The following GRM8 variants were observed in gnomAD, a reference collection of about 807,000 sequenced individuals.
GRM8 encodes the protein glutamate metabotropic receptor 8, also known as metabotropic glutamate receptor 8.
A neutral mutation model predicts 87.2 loss-of-function variants in GRM8; 47 were observed. The observed-to-expected ratio is 0.54, with a 90% confidence interval of 0.43 to 0.69. The LOEUF is 0.69. Among genes scored for constraint, GRM8 ranks in the 30% least tolerant of loss-of-function variants. GRM8 has a pLI of 0.00. For missense variants in GRM8, 1,019 were observed against 1,139.2 expected (o/e 0.89, Z 1.52); for synonymous variants, 396 against 404.5 (o/e 0.98, Z 0.25).
intron 6 of GRM8, among the ~76,000 whole-genome samples, chr7:126,773,310 G>C (rs751309425): frequency 1.3e-5 from 2 of 152,104 alleles, no homozygotes; most frequent in Non-Finnish European, 2.9e-5. Context: ...CATTACTGCA[G>C]GGTGGTGAAG....
chr7:126,826,112 G>C (rs1231161027), intron 6 of GRM8, among the ~76,000 whole-genome samples: 4 of 152,004 alleles, frequency 2.6e-5, no homozygotes, highest in Non-Finnish European at 5.9e-5. Context: ...TCTTAATCCA[G>C]TCTATCATTG....
chr7:126,468,108 C>T (rs1804720636), intron 9 of GRM8, among the ~76,000 whole-genome samples: 1 of 151,776 alleles, frequency 6.6e-6, no homozygotes, highest in South Asian at 2.1e-4. Context: ...ACCATGAAGC[C>T]CATAAAGCAC....
chr7:126,635,506 C>G (rs1254537237), intron 7 of GRM8, among the ~76,000 whole-genome samples: 3 of 152,088 alleles, frequency 2.0e-5, no homozygotes, highest in African/African-American at 7.2e-5. Flanking sequence ...AGTTTTAATG[C>G]AGTTATTTGT....
chr7:126,810,365 C>G (rs1793169716), intron 6 of GRM8, among the ~76,000 whole-genome samples: 1 of 152,144 alleles, frequency 6.6e-6, no homozygotes, highest in African/African-American at 2.4e-5. Flanking sequence ...GTAATCTGGA[C>G]AGGTTGAGGT....
chr7:126,615,626 A>G (rs1057443264), intron 7 of GRM8, among the ~76,000 whole-genome samples: 2 of 152,150 alleles, frequency 1.3e-5, no homozygotes, highest in African/African-American at 4.8e-5. Context: ...TATTCAGGAG[A>G]CCCATCTCAC....
chr7:126,532,203 A>G (rs1247293177), intron 9 of GRM8, among the ~76,000 whole-genome samples: 1 of 152,220 alleles, frequency 6.6e-6, no homozygotes, highest in Non-Finnish European at 1.5e-5. Flanking sequence ...TTAACAAGAG[A>G]TTAGTGACAA....
chr7:127,064,315 T>C (rs1820897938), intron 3 of GRM8, among the ~76,000 whole-genome samples: 1 of 152,242 alleles, frequency 6.6e-6, no homozygotes, highest in East Asian at 1.9e-4. Context: ...CTGTGTTGAG[T>C]GTATATATAC....
At chr7:127,189,957 C>A (rs540299768) in intron 2 of GRM8, among the ~76,000 whole-genome samples, 1 of 152,240 alleles carries the variant, frequency 6.6e-6, no homozygotes, top group Admixed American at 6.5e-5. Flanking sequence ...CAAAGAGCCA[C>A]AAAAACCTCA....
intron 6 of GRM8, among the ~76,000 whole-genome samples, chr7:126,775,524 A>G (rs1369152993): frequency 1.9e-5 from 2 of 107,978 alleles, no homozygotes; most frequent in African/African-American, 7.8e-5. Flanking sequence ...ATTTAAACTG[A>G]TTTGGGTTCC....
chr7:127,164,533 C>A (rs1347277195), intron 2 of GRM8, among the ~76,000 whole-genome samples: 1 of 152,178 alleles, frequency 6.6e-6, no homozygotes, highest in African/African-American at 2.4e-5. Context: ...GTATTATAAA[C>A]TATTTCTTAA....
chr7:126,452,035 C>G (rs530021162), intron 9 of GRM8, among the ~76,000 whole-genome samples: 1 of 151,758 alleles, frequency 6.6e-6, no homozygotes, highest in Non-Finnish European at 1.5e-5. Flanking sequence ...CGGCTGTAAA[C>G]TCAGCACTTA....
At chr7:127,250,700 A>G (rs1798820858) in intron 1 of GRM8, 1 of 152,210 alleles carries the variant, frequency 6.6e-6, no homozygotes, top group Non-Finnish European at 1.5e-5. Flanking sequence ...TCTGCCTCCT[A>G]CAGAGATCTT....
Position 127,234,733 on chromosome 7 carries a change from G to A in GRM8, c.510+7962C>T, listed in dbSNP as rs765616656. Among the ~76,000 whole-genome samples, 416 of 152,292 alleles carry A rather than the reference G, an allele frequency of 2.7e-3. 3 individuals carry two copies. The highest frequency in any genetic ancestry group is 3.4e-3 in the Non-Finnish European group (233 of 68,022). On this transcript the variant is annotated intron_variant, in intron 2 of 10. Coordinates refer to ENST00000339582, the MANE Select transcript of GRM8 (RefSeq NM_000845.3). ...AAACTCTGCAGGTGGGCTCAGGAAC[G>A]CGTGTTTCAACAAGCACTCTGGGTG... is the stretch of plus-strand genomic sequence containing the variant.
At chr7:126,592,088 T>C (rs1366723361) in intron 8 of GRM8, among the ~76,000 whole-genome samples, 1 of 149,444 alleles carries the variant, frequency 6.7e-6, no homozygotes, top group Admixed American at 6.7e-5. Flanking sequence ...CAATAATGAA[T>C]AAACACATAA....
intron 2 of GRM8, among the ~76,000 whole-genome samples, chr7:127,186,701 A>C (rs1166334902): frequency 6.6e-6 from 1 of 152,228 alleles, no homozygotes; most frequent in Non-Finnish European, 1.5e-5. Context: ...TACAAAGAGA[A>C]TATGAAATGT....
intron 7 of GRM8, among the ~76,000 whole-genome samples, chr7:126,646,450 T>A (rs568058453): frequency 3.3e-5 from 5 of 152,110 alleles, no homozygotes; most frequent in African/African-American, 1.2e-4. Flanking sequence ...CACTAACCCA[T>A]CTTCCTTCAT....
At chr7:126,601,545 C>A (rs1184059998) in intron 8 of GRM8, among the ~76,000 whole-genome samples, 27 of 151,452 alleles carry the variant, frequency 1.8e-4, no homozygotes, top group African/African-American at 3.1e-4. Flanking sequence ...TACAGTCCCA[C>A]CAACAGTGTA....
chr7:127,083,643 TAAC>T (rs201752890), intron 3 of GRM8, among the ~76,000 whole-genome samples: 7 of 150,954 alleles, frequency 4.6e-5, no homozygotes, highest in Non-Finnish European at 8.8e-5. Flanking sequence ...GCATCCTACC[TAAC>T]AACAACAACA....
intron 7 of GRM8, among the ~76,000 whole-genome samples, chr7:126,768,376 A>AAAC (rs1329477205): frequency 6.7e-6 from 1 of 149,744 alleles, no homozygotes; most frequent in Non-Finnish European, 1.5e-5. Flanking sequence ...AAAAAAAAAA[A>AAAC]AAAAAGTGGA....
Sources: allele counts gnomAD v4.1 joint callset (sites outside exome capture counted in the v4.1 genomes callset), GRCh38; gene constraint gnomAD v4.1.1; transcripts MANE v1.5; gene names NCBI Gene and HGNC (gene_info 2026-07-23, HGNC 2026-07-21).